PPP2R5C: variants seen among roughly 807,000 people sequenced by gnomAD.
PPP2R5C encodes the protein serine/threonine-protein phosphatase 2A 56 kDa regulatory subunit gamma isoform.
PPP2R5C carries 7 observed loss-of-function variants against 68.9 expected under a neutral mutation model. The observed-to-expected ratio is 0.10, with a 90% CI of 0.06 to 0.19. The LOEUF (loss-of-function observed/expected upper bound fraction) is 0.19, where lower values mean the gene tolerates loss of function less well. PPP2R5C is among the 10% of genes least tolerant of loss of function. PPP2R5C has a pLI of 1.00. For missense variants in PPP2R5C, 348 were observed against 641.3 expected (o/e 0.54, Z 4.94); for synonymous variants, 210 against 222.2 (o/e 0.95, Z 0.49).
chr14:101,802,951 TAAAAAAAAAAAA>T (rs571594853), intron 3 of PPP2R5C, among the ~76,000 whole-genome samples: 1 of 99,932 alleles, frequency 1.0e-5, no homozygotes, highest in Non-Finnish European at 2.0e-5. Flanking sequence ...GGCTACTATT[TAAAAAAAAAAAA>T]AAAAAAAAAA....
chr14:101,907,919 C>A (rs2046146423), intron 10 of PPP2R5C, among the ~76,000 whole-genome samples: 1 of 152,172 alleles, frequency 6.6e-6, no homozygotes, highest in Non-Finnish European at 1.5e-5. Flanking sequence ...GACCCCCGAG[C>A]GAGCGTCCAG....
intron 5 of PPP2R5C, among the ~76,000 whole-genome samples, chr14:101,886,097 C>T (rs533292394): frequency 0.014 from 2,077 of 151,726 alleles, 22 homozygotes; most frequent in Middle Eastern, 0.068. Flanking sequence ...CTGGCTAACA[C>T]GGTGAAACCC....
At chr14:101,845,972 G>C (rs942062172) in intron 1 of PPP2R5C, among the ~76,000 whole-genome samples, 1 of 152,158 alleles carries the variant, frequency 6.6e-6, no homozygotes, top group South Asian at 2.1e-4. Context: ...TGTACCTGGC[G>C]GTACTGTTCA....
At chr14:101,871,697 T>C (rs2043428223) in intron 2 of PPP2R5C, among the ~76,000 whole-genome samples, 1 of 152,160 alleles carries the variant, frequency 6.6e-6, no homozygotes, top group Admixed American at 6.5e-5. Context: ...CTCTTCTTTG[T>C]CTGCATTCTT....
rs2046640406 is a variant in PPP2R5C, at chr14:101,915,870, TC to T, written c.1327-1960del. On this transcript the variant is annotated intron_variant, in intron 12 of 13. Transcript: ENST00000334743. The surrounding 1 kb of genome is among the most constrained non-coding windows in gnomAD (Gnocchi z 4.2). Reference sequence around the variant, plus strand: ...GGCAGGACCAGCTTATTCGTTCCCATCTCTAAAGAAAGACACACACAGTACG... The same window carrying T: ...GGCAGGACCAGCTTATTCGTTCCCATTCTAAAGAAAGACACACACAGTACG... 6.6e-6 allele frequency among the ~76,000 whole-genome samples: 1 copy of T among 152,056 alleles called. No individual in the cohort carries two copies. The highest frequency in any genetic ancestry group is 2.1e-4 in the South Asian group (1 of 4,828).
At chr14:101,809,175 A>G (rs1348199695), upstream of PPP2R5C, among the ~76,000 whole-genome samples, 1 of 152,146 alleles carries the variant, frequency 6.6e-6, no homozygotes, top group Non-Finnish European at 1.5e-5. Context: ...GGTGATATAA[A>G]TATTTCAATT....
At chr14:101,887,576 G>A (rs1045750447) in intron 5 of PPP2R5C, among the ~76,000 whole-genome samples, 3 of 152,170 alleles carry the variant, frequency 2.0e-5, no homozygotes, top group African/African-American at 7.2e-5. Context: ...AGGTCCCCAC[G>A]CTGCCTCTGT....
At chr14:101,822,949 A>T (rs2040168431) in intron 1 of PPP2R5C, among the ~76,000 whole-genome samples, 3 of 152,196 alleles carry the variant, frequency 2.0e-5, no homozygotes, top group Non-Finnish European at 4.4e-5. Flanking sequence ...ACCAAACATC[A>T]ACTTACAAAA....
At chr14:101,834,876 A>G (rs931744780) in intron 1 of PPP2R5C, among the ~76,000 whole-genome samples, 9 of 152,198 alleles carry the variant, frequency 5.9e-5, no homozygotes, top group African/African-American at 2.2e-4. Context: ...GTACTTGATT[A>G]TATCCAGCTC....
chr14:101,789,943 T>C (rs936240992), intron 3 of PPP2R5C: 5 of 151,892 alleles, frequency 3.3e-5, no homozygotes, highest in African/African-American at 1.2e-4. Context: ...AACTAGTACA[T>C]GGTCATTGTT....
At chr14:101,816,928 A>C (rs2039747746) in intron 1 of PPP2R5C, among the ~76,000 whole-genome samples, 1 of 135,392 alleles carries the variant, frequency 7.4e-6, no homozygotes, top group African/African-American at 3.1e-5. Context: ...TATTTATATA[A>C]TATATATAAT....
chr14:101,762,967 A>G, exon 2 of PPP2R5C: 1 of 1,572,118 alleles, frequency 6.4e-7, no homozygotes, highest in South Asian at 1.2e-5. Context: ...CAGTAGAATC[A>G]GAGGTAACTG....
Position 101,906,626 on chromosome 14 carries a change from C to A in PPP2R5C, c.1151+97C>A. The A allele has an allele frequency of 7.1e-7, 1 of 1,414,766 alleles. No individual in the cohort carries two copies. The highest frequency in any genetic ancestry group is 1.4e-5 in the South Asian group (1 of 69,268). The allele number at this position is 1,414,766 out of a possible 1,614,324, so 87.6% of individuals were successfully genotyped here. ...GAATAAATATCAGAATTTTAAATAT[C>A]AATTAAAAAACAAGAAGGTCAGTTG... On this transcript the variant is annotated intron_variant, in intron 10 of 13. Transcript: ENST00000334743. The surrounding 1 kb of genome is among the most constrained non-coding windows in gnomAD (Gnocchi z 4.0).
intron 2 of PPP2R5C, chr14:101,765,541 C>T: frequency 6.8e-6 from 2 of 295,302 alleles, no homozygotes; most frequent in Non-Finnish European, 1.3e-5. Flanking sequence ...TTTAAATAGG[C>T]TTGACATTCC....
At chr14:101,903,338 G>A (rs1306279452) in intron 9 of PPP2R5C, among the ~76,000 whole-genome samples, 1 of 152,266 alleles carries the variant, frequency 6.6e-6, no homozygotes, top group Admixed American at 6.5e-5. Flanking sequence ...GGGCAAGGAG[G>A]AAGGGAAGTC....
intron 3 of PPP2R5C, among the ~76,000 whole-genome samples, chr14:101,793,169 CA>C: frequency 6.6e-6 from 1 of 152,300 alleles, no homozygotes; most frequent in African/African-American, 2.4e-5. Context: ...TGAGCCACCA[CA>C]CCTGGCCAAA....
At chr14:101,784,844 G>A (rs966601419) in intron 2 of PPP2R5C, among the ~76,000 whole-genome samples, 5 of 152,188 alleles carry the variant, frequency 3.3e-5, no homozygotes, top group South Asian at 2.1e-4. Flanking sequence ...GATAGTGGTC[G>A]CAGCAAACAG....
intron 9 of PPP2R5C, among the ~76,000 whole-genome samples, chr14:101,905,803 GCTGACAA>G (rs1236483707): frequency 2.0e-5 from 3 of 152,094 alleles, no homozygotes; most frequent in African/African-American, 7.2e-5. Flanking sequence ...CCAGCCCCGT[GCTGACAA>G]CTCAGGACCT....
rs1295981660 is a variant in PPP2R5C, at chr14:101,888,041, T to TA, written c.630-2190dup. ...TCTTCTGCCTACATCAAAGCAGGTT[T>TA]AAAAAATTAGAAATTAAGAATTTAT... On this transcript the variant is annotated intron_variant, in intron 5 of 13. Transcript: ENST00000334743. The surrounding 1 kb of genome is among the most constrained non-coding windows in gnomAD (Gnocchi z 5.6). 1.3e-5 allele frequency among the ~76,000 whole-genome samples: 2 copies of TA among 152,196 alleles called. No homozygotes were observed. The highest frequency in any genetic ancestry group is 2.9e-5 in the Non-Finnish European group (2 of 68,032).
Sources: gnomAD v4.1 joint callset for allele counts (sites outside exome capture counted in the v4.1 genomes callset) on GRCh38, gnomAD v4.1.1 for gene constraint, Gnocchi (gnomAD v3.1) non-coding constraint, MANE v1.5 for transcripts, NCBI Gene and HGNC (gene_info 2026-07-23, HGNC 2026-07-21) for gene names.